PCLO: variants seen among roughly 807,000 people sequenced by gnomAD.
PCLO encodes the protein piccolo presynaptic cytomatrix protein.
PCLO carries 82 observed loss-of-function variants against 427.5 expected under a neutral mutation model. That is an observed-to-expected ratio of 0.19 (90% CI 0.16 to 0.23). The LOEUF (loss-of-function observed/expected upper bound fraction) is 0.23, where lower values mean the gene tolerates loss of function less well. Among genes scored for constraint, PCLO ranks in the 10% least tolerant of loss-of-function variants. The probability of loss-of-function intolerance (pLI) is 1.00; values close to 1 mark genes in which losing one functional copy is unlikely to be tolerated. For missense variants in PCLO, 6,239 were observed against 6,115.9 expected (o/e 1.02, Z -0.67); for synonymous variants, 2,357 against 2,155.4 (o/e 1.09, Z -2.59).
intron 3 of PCLO, among the ~76,000 whole-genome samples, chr7:83,057,359 T>A (rs1314198591): frequency 4.5e-5 from 3 of 66,984 alleles, no homozygotes; most frequent in African/African-American, 1.2e-4. Flanking sequence ...TTTTTTTTTT[T>A]TTTTTTTTTT....
In PCLO at chr7:82,755,086, C is replaced by T. The variant is rs1319326142; in HGVS notation, c.*3489G>A. 3 of 151,860 alleles carry T rather than the reference C, an allele frequency of 2.0e-5. No individual in the cohort carries two copies. Among genetic ancestry groups the T allele is most frequent in the African/African-American group, 7.3e-5 (3 of 41,348 alleles). The allele number at this position is 151,860 out of a possible 1,614,324, so 9.4% of individuals were successfully genotyped here. A position where few individuals can be genotyped will look rare whatever the true frequency, so the allele number is the denominator to read the frequency against. On this transcript the variant is annotated 3_prime_UTR_variant, in exon 25 of 25. Coordinates refer to ENST00000333891, the MANE Select transcript of PCLO (RefSeq NM_033026.6). Reference sequence around the variant, plus strand: ...ATACTTTTATTTTACTTCACATCACCACCACCGCTAATATCACTACTGCTA... The same window carrying T: ...ATACTTTTATTTTACTTCACATCACTACCACCGCTAATATCACTACTGCTA...
chr7:83,054,405 G>T (rs1789327719), intron 3 of PCLO, among the ~76,000 whole-genome samples: 1 of 151,854 alleles, frequency 6.6e-6, no homozygotes. Context: ...CATAATAAAT[G>T]CCAAATATAT....
chr7:82,984,108 T>C (rs1796205898), intron 3 of PCLO, among the ~76,000 whole-genome samples: 1 of 152,014 alleles, frequency 6.6e-6, no homozygotes, highest in Non-Finnish European at 1.5e-5. Context: ...TATCTAACTA[T>C]GGTTATAACA....
At chr7:83,050,783 C>T (rs1028149722) in intron 3 of PCLO, among the ~76,000 whole-genome samples, 9 of 150,314 alleles carry the variant, frequency 6.0e-5, no homozygotes, top group Non-Finnish European at 1.2e-4. Context: ...CATGGTGGTA[C>T]ATGTCTGCAA....
intron 20 of PCLO, chr7:82,820,617 T>C: frequency 3.3e-6 from 4 of 1,229,950 alleles, no homozygotes; most frequent in Admixed American, 4.2e-5. Flanking sequence ...ACTTTCACCA[T>C]GTAAAGGTAA....
intron 13 of PCLO, 92 bp from the exon 14 acceptor site, chr7:82,841,601 G>A: frequency 2.4e-6 from 2 of 817,368 alleles, no homozygotes; most frequent in Middle Eastern, 3.2e-4. Flanking sequence ...TTTCTATTTG[G>A]TCAGAGCAAC....
intron 22 of PCLO, among the ~76,000 whole-genome samples, chr7:82,777,192 A>C (rs987935664): frequency 1.3e-4 from 20 of 152,100 alleles, no homozygotes; most frequent in African/African-American, 4.8e-4. Context: ...AATACAGCTA[A>C]CCAGGGAGGT....
At chr7:82,848,311 T>G (rs1415525556) in intron 10 of PCLO, among the ~76,000 whole-genome samples, 6 of 142,054 alleles carry the variant, frequency 4.2e-5, no homozygotes, top group African/African-American at 1.0e-4. Context: ...TTAGTTTTTT[T>G]TTTTTTTTTT....
At position 83,162,702 on chromosome 7, in the gene PCLO, G is replaced by T; in HGVS notation, c.-110C>A. The T allele has an allele frequency of 7.3e-7, 1 of 1,366,462 alleles. No individual in the cohort carries two copies. The highest frequency in any genetic ancestry group is 9.7e-7 in the Non-Finnish European group (1 of 1,035,394). The allele number at this position is 1,366,462 out of a possible 1,614,324, so 84.6% of individuals were successfully genotyped here. ...CCGGGGTCCGCCTCGGGGCGTGCAG[G>T]CAGCCGAGTCCCTGGACTCTGGACC... is the stretch of plus-strand genomic sequence containing the variant. On this transcript the variant is annotated 5_prime_UTR_variant, in exon 1 of 25. Transcript: ENST00000333891.
At chr7:82,837,135 A>G (rs1318137744) in intron 15 of PCLO, among the ~76,000 whole-genome samples, 2 of 152,094 alleles carry the variant, frequency 1.3e-5, no homozygotes, top group East Asian at 3.8e-4. Context: ...AATGAGTTTT[A>G]TTTTTCAGAA....
chr7:83,135,554 C>A lies in PCLO; in HGVS notation c.1996G>T (p.Val666Phe). The change falls in exon 3 of 25, where the codon GTT (valine) becomes TTT (phenylalanine). Residue 666 changes from valine to phenylalanine, a missense_variant. Val to Phe is a conservative substitution (Grantham distance 50). Transcript: ENST00000333891. ...SPQPKLKTAP[V>F]TTTSAVSKSS... ...TTGCTCACTGCTGATGTAGTGGTAACAGGTGCAGTCTTCAGTTTGGGCTGG... is the reference window on the plus strand; with the variant it reads ...TTGCTCACTGCTGATGTAGTGGTAAAAGGTGCAGTCTTCAGTTTGGGCTGG... The A allele has an allele frequency of 6.2e-7, 1 of 1,613,566 alleles. No individual in the cohort carries two copies. The highest frequency in any genetic ancestry group is 8.5e-7 in the Non-Finnish European group (1 of 1,179,798).
chr7:82,880,994 T>C (rs978792370), intron 9 of PCLO, among the ~76,000 whole-genome samples: 1 of 152,180 alleles, frequency 6.6e-6, no homozygotes, highest in Admixed American at 6.5e-5. Context: ...TCTTTAAAAA[T>C]AGTTTTTCTT....
rs778108792 is a variant in PCLO, at chr7:82,794,459, C to CTTTTTTTTTTTTTTTTT, written c.15007+7042_15007+7058dup. ...ACATGCTAGTTCATAAATTTTTTTT[C>CTTTTTTTTTTTTTTTTT]TTTTTTTTTTTTTTTTTTTTTTTTT... On this transcript the variant is annotated intron_variant, in intron 22 of 24. Coordinates refer to ENST00000333891, the MANE Select transcript of PCLO (RefSeq NM_033026.6). 3.1e-3 allele frequency among the ~76,000 whole-genome samples: 173 copies of CTTTTTTTTTTTTTTTTT among 56,354 alleles called. 64 individuals are homozygous for CTTTTTTTTTTTTTTTTT. Among genetic ancestry groups the CTTTTTTTTTTTTTTTTT allele is most frequent in the Non-Finnish European group, 5.0e-3 (123 of 24,442 alleles). The allele number at this position is 56,354 out of a possible 152,430, so 37.0% of individuals were successfully genotyped here. A position where few individuals can be genotyped will look rare whatever the true frequency, so the allele number is the denominator to read the frequency against.
In PCLO at chr7:83,093,492, A is replaced by ATATATATATTTTTTTTTTTTTTT; in HGVS notation, c.3300+40757_3300+40758insAAAAAAAAAAAAAAATATATATA. 3.7e-4 allele frequency among the ~76,000 whole-genome samples: 22 copies of ATATATATATTTTTTTTTTTTTTT among 59,268 alleles called. 1 individual carries two copies. Among genetic ancestry groups the ATATATATATTTTTTTTTTTTTTT allele is most frequent in the Non-Finnish European group, 5.2e-4 (16 of 30,548 alleles). The allele number at this position is 59,268 out of a possible 152,430, so 38.9% of individuals were successfully genotyped here. On this transcript the variant is annotated intron_variant, in intron 3 of 24. Transcript: ENST00000333891. ...TGTGTGTATAGATATATATATATAT[A>ATATATATATTTTTTTTTTTTTTT]TTTTTTTTTTTTTTTTTTGAGATGG...
At chr7:83,125,774 G>A (rs1416024372) in intron 3 of PCLO, among the ~76,000 whole-genome samples, 2 of 151,912 alleles carry the variant, frequency 1.3e-5, no homozygotes, top group African/African-American at 4.8e-5. Flanking sequence ...CTCTGCCTAG[G>A]AAAACCAGAG....
chr7:82,809,688 T>C (rs778416979), intron 20 of PCLO, among the ~76,000 whole-genome samples: 2 of 151,636 alleles, frequency 1.3e-5, no homozygotes, highest in Non-Finnish European at 3.0e-5. Context: ...ACTTTTTAAA[T>C]CAAGCTTTGT....
At chr7:82,794,450 A>ATT (rs141105612) in intron 22 of PCLO, among the ~76,000 whole-genome samples, 2 of 62,020 alleles carry the variant, frequency 3.2e-5, no homozygotes, top group East Asian at 5.5e-4. Flanking sequence ...TAGTTCATAA[A>ATT]TTTTTTTTCT....
At chr7:82,858,426 T>A (rs1372343894) in intron 10 of PCLO, among the ~76,000 whole-genome samples, 1 of 151,976 alleles carries the variant, frequency 6.6e-6, no homozygotes, top group African/African-American at 2.4e-5. Context: ...ACTAATTCCA[T>A]CAACATAGTA....
At chr7:82,917,855 T>C (rs911769038) in intron 6 of PCLO, among the ~76,000 whole-genome samples, 1 of 152,018 alleles carries the variant, frequency 6.6e-6, no homozygotes, top group Non-Finnish European at 1.5e-5. Flanking sequence ...TAAGAGTCTA[T>C]AAATATTGTA....
Sources: allele counts gnomAD v4.1 joint callset (sites outside exome capture counted in the v4.1 genomes callset), GRCh38; gene constraint gnomAD v4.1.1; transcripts MANE v1.5; gene names NCBI Gene and HGNC (gene_info 2026-07-23, HGNC 2026-07-21).